Variants in PLPPR5 observed in about 807,000 individuals in gnomAD.
The protein encoded by PLPPR5 is phospholipid phosphatase-related protein type 5.
A neutral mutation model predicts 33.9 loss-of-function variants in PLPPR5; 16 were observed. The observed-to-expected ratio is 0.47, with a 90% CI of 0.32 to 0.72. PLPPR5 has a LOEUF of 0.72. Among genes scored for constraint, PLPPR5 ranks in the 30% least tolerant of loss-of-function variants. PLPPR5 has a pLI of 0.03. For missense variants in PLPPR5, 301 were observed against 406.7 expected (o/e 0.74, Z 2.23); for synonymous variants, 163 against 150.3 (o/e 1.08, Z -0.62).
chr1:98,975,138 G>A (rs1438371047), intron 1 of PLPPR5, among the ~76,000 whole-genome samples: 1 of 152,024 alleles, frequency 6.6e-6, no homozygotes, highest in Non-Finnish European at 1.5e-5. Context: ...GATGCCCAGA[G>A]AATCGTCAGG....
At chr1:98,955,545 G>T (rs923508510) in intron 2 of PLPPR5, among the ~76,000 whole-genome samples, 1 of 151,964 alleles carries the variant, frequency 6.6e-6, no homozygotes, top group African/African-American at 2.4e-5. Flanking sequence ...ATAAATGAGG[G>T]CTTTGGAGAT....
Position 98,946,697 on chromosome 1 carries a change from A to G in PLPPR5, c.621+6373T>C, listed in dbSNP as rs116061644. On this transcript the variant is annotated intron_variant, in intron 3 of 5. Transcript: ENST00000263177. ...TGGACATTGGGTGGGACTCATCATT[A>G]CCAGATACTCTTACAATCATATTCC... Among the ~76,000 whole-genome samples the G allele has an allele frequency of 2.6e-3, 398 of 152,206 alleles. 1 individual carries two copies. The highest frequency in any genetic ancestry group is 9.1e-3 in the African/African-American group (378 of 41,526).
chr1:98,933,148 C>T (rs533755554), intron 3 of PLPPR5, among the ~76,000 whole-genome samples: 2 of 149,560 alleles, frequency 1.3e-5, no homozygotes, highest in Admixed American at 6.7e-5. Context: ...CATCCAGGGA[C>T]AAACAAAACA....
At chr1:98,985,148 C>T (rs1320213637) in intron 1 of PLPPR5, among the ~76,000 whole-genome samples, 3 of 151,996 alleles carry the variant, frequency 2.0e-5, no homozygotes, top group Non-Finnish European at 4.4e-5. Flanking sequence ...TGACGGCTGT[C>T]TAGGTTTGGT....
At chr1:98,923,752 A>C (rs1649655919) in intron 3 of PLPPR5, among the ~76,000 whole-genome samples, 1 of 152,178 alleles carries the variant, frequency 6.6e-6, no homozygotes, top group African/African-American at 2.4e-5. Context: ...AAAGCTTGAT[A>C]ATTTCAGTTA....
chr1:98,975,662 T>C (rs1651822583), intron 1 of PLPPR5, among the ~76,000 whole-genome samples: 1 of 151,994 alleles, frequency 6.6e-6, no homozygotes, highest in Admixed American at 6.6e-5. Flanking sequence ...ATAGGAGTAT[T>C]TACCTGGAAA....
intron 1 of PLPPR5, among the ~76,000 whole-genome samples, chr1:99,001,122 A>G (rs1310430598): frequency 6.7e-6 from 1 of 148,802 alleles, no homozygotes; most frequent in Non-Finnish European, 1.5e-5. Context: ...CAGCAAGTAG[A>G]GTTCCCAACT....
At chr1:98,895,826 G>A (rs1648449707) in intron 5 of PLPPR5, among the ~76,000 whole-genome samples, 1 of 151,892 alleles carries the variant, frequency 6.6e-6, no homozygotes, top group African/African-American at 2.4e-5. Context: ...GTTGTAGTTA[G>A]CAGACAGATA....
chr1:99,001,671 G>GATAGATAGATAGATATATAT lies in PLPPR5; in HGVS notation c.237+2763_237+2764insATATATATCTATCTATCTAT, dbSNP rs1247519605. On this transcript the variant is annotated intron_variant, in intron 1 of 5. Transcript: ENST00000263177. The stretch of plus-strand genomic sequence containing the variant: ...ACTAGAAATGAGTTTGAAAGTTAAA[G>GATAGATAGATAGATATATAT]ATATATATATATATATATATATATA... Among the ~76,000 whole-genome samples the GATAGATAGATAGATATATAT allele has an allele frequency of 3.9e-5, 4 of 102,192 alleles. No individual in the cohort carries two copies. The East Asian group carries it at 1.5e-3, about 38-fold the overall frequency. The allele number at this position is 102,192 out of a possible 152,430, so 67.0% of individuals were successfully genotyped here. A position where few individuals can be genotyped will look rare whatever the true frequency, so the allele number is the denominator to read the frequency against.
intron 1 of PLPPR5, among the ~76,000 whole-genome samples, chr1:98,971,625 C>T (rs535328409): frequency 6.6e-6 from 1 of 151,952 alleles, no homozygotes; most frequent in African/African-American, 2.4e-5. Context: ...TTAGATTCTG[C>T]TTTTCTACTG....
chr1:98,944,055 G>A (rs1171332182), intron 3 of PLPPR5, among the ~76,000 whole-genome samples: 2 of 152,146 alleles, frequency 1.3e-5, no homozygotes, highest in Admixed American at 6.5e-5. Flanking sequence ...TTATATACAA[G>A]ACATCATGCT....
At chr1:98,936,776 C>T (rs1650181422) in intron 3 of PLPPR5, among the ~76,000 whole-genome samples, 1 of 152,190 alleles carries the variant, frequency 6.6e-6, no homozygotes, top group East Asian at 1.9e-4. Context: ...TAGGCACAGC[C>T]TCTAAGTCTT....
At chr1:98,916,475 A>G (rs754265122) in intron 4 of PLPPR5, among the ~76,000 whole-genome samples, 6 of 152,228 alleles carry the variant, frequency 3.9e-5, no homozygotes, top group Non-Finnish European at 7.3e-5. Context: ...AGGTAAGCAA[A>G]TTTTGTCTGT....
At chr1:98,942,047 T>C (rs1371877732) in intron 3 of PLPPR5, among the ~76,000 whole-genome samples, 1 of 142,604 alleles carries the variant, frequency 7.0e-6, no homozygotes. Context: ...CATATACGTA[T>C]ATATGAGAGA....
intron 3 of PLPPR5, among the ~76,000 whole-genome samples, chr1:98,926,447 AGTGTGTGTGTGTGTGTGTGTGTGT>A (rs60874366): frequency 7.5e-6 from 1 of 132,616 alleles, no homozygotes; most frequent in African/African-American, 2.8e-5. Context: ...AGGTTTGATT[AGTGTGTGTGTGTGTGTGTGTGTGT>A]GTGTGTGTGT....
chr1:98,972,053 T>A (rs925595632), intron 1 of PLPPR5, among the ~76,000 whole-genome samples: 7 of 151,938 alleles, frequency 4.6e-5, no homozygotes, highest in Non-Finnish European at 8.8e-5. Flanking sequence ...CTATGGAGGA[T>A]CATGAGTGGT....
chr1:98,911,072 G>A (rs1351298207), intron 5 of PLPPR5, among the ~76,000 whole-genome samples: 2 of 152,092 alleles, frequency 1.3e-5, no homozygotes, highest in Non-Finnish European at 2.9e-5. Flanking sequence ...ACAAATACAT[G>A]TCCTCTCAGC....
At chr1:98,933,807 T>C (rs1446490571) in intron 3 of PLPPR5, among the ~76,000 whole-genome samples, 2 of 152,148 alleles carry the variant, frequency 1.3e-5, no homozygotes, top group Admixed American at 6.5e-5. Context: ...CATGTAGTGA[T>C]GTGAGGAAAG....
chr1:98,941,388 G>A (rs1417549177), intron 3 of PLPPR5, among the ~76,000 whole-genome samples: 1 of 151,748 alleles, frequency 6.6e-6, no homozygotes, highest in Admixed American at 6.6e-5. Flanking sequence ...GGTTTCAGGA[G>A]AGTGAGTGTG....
Sources: gnomAD v4.1 joint callset for allele counts (sites outside exome capture counted in the v4.1 genomes callset) on GRCh38, gnomAD v4.1.1 for gene constraint, MANE v1.5 for transcripts, NCBI Gene and HGNC (gene_info 2026-07-23, HGNC 2026-07-21) for gene names.